RANBP2: variants seen among roughly 807,000 people sequenced by gnomAD.
The protein encoded by RANBP2 is E3 SUMO-protein ligase RanBP2.
RANBP2 carries 57 observed loss-of-function variants against 303.6 expected under a neutral mutation model. The observed-to-expected ratio is 0.19, with a 90% CI of 0.15 to 0.23. The LOEUF (loss-of-function observed/expected upper bound fraction) is 0.23, where lower values mean the gene tolerates loss of function less well. Among genes scored for constraint, RANBP2 ranks in the 10% least tolerant of loss-of-function variants. RANBP2 has a pLI of 1.00. For synonymous variants in RANBP2, 1,167 were observed against 1,301.5 expected (o/e 0.90, Z 2.23); for missense variants, 3,138 against 3,780.8 (o/e 0.83, Z 4.46).
chr2:109,298,680 G>A, the RANBP2 span, among the ~76,000 whole-genome samples: 8 of 151,990 alleles, frequency 5.3e-5, no homozygotes, highest in Non-Finnish European at 1.2e-4. Context: ...GCCTTCCCTG[G>A]CTCCTGTGGG....
At chr2:109,629,308 T>G in the RANBP2 span, among the ~76,000 whole-genome samples, 13 of 4,002 alleles carry the variant, frequency 3.2e-3, 1 homozygote, top group South Asian at 0.01. Flanking sequence ...TAAAGATATA[T>G]ATATATATAT....
the RANBP2 span, among the ~76,000 whole-genome samples, chr2:108,840,787 TC>T: frequency 1.4e-5 from 2 of 138,066 alleles, no homozygotes; most frequent in Non-Finnish European, 3.0e-5. Context: ...TTGTTTCATT[TC>T]TTTTTTTCTT....
At chr2:109,209,318 G>A in the RANBP2 span, among the ~76,000 whole-genome samples, 4 of 152,170 alleles carry the variant, frequency 2.6e-5, no homozygotes, top group African/African-American at 9.7e-5. Context: ...CCATGACTGA[G>A]TTTTCTTGGC....
chr2:108,747,376 A>G (rs984301666), intron 8 of RANBP2, among the ~76,000 whole-genome samples: 1 of 152,248 alleles, frequency 6.6e-6, no homozygotes, highest in Non-Finnish European at 1.5e-5. Flanking sequence ...AACTGAAGAA[A>G]CATAATGCTT....
chr2:108,909,565 C>T, the RANBP2 span, among the ~76,000 whole-genome samples: 3 of 152,114 alleles, frequency 2.0e-5, no homozygotes, highest in Non-Finnish European at 1.5e-5. Flanking sequence ...GGCACTGTTG[C>T]GGGGGTGTCC....
chr2:109,375,671 G>A, the RANBP2 span, among the ~76,000 whole-genome samples: 15 of 152,252 alleles, frequency 9.9e-5, no homozygotes, highest in Non-Finnish European at 2.1e-4. Flanking sequence ...GATGGCAGGC[G>A]AGGGACTCCG....
At chr2:109,129,287 C>T in the RANBP2 span, 3 of 673,296 alleles carry the variant, frequency 4.5e-6, no homozygotes, top group East Asian at 7.2e-5. Context: ...GTGTAGCCCG[C>T]AGCCGCAGGC....
chr2:108,831,804 C>A, the RANBP2 span, among the ~76,000 whole-genome samples: 1 of 151,900 alleles, frequency 6.6e-6, no homozygotes, highest in Non-Finnish European at 1.5e-5. Flanking sequence ...ATGATCTCGG[C>A]CCACTGCAAC....
the RANBP2 span, among the ~76,000 whole-genome samples, chr2:109,135,666 A>G: frequency 6.6e-6 from 1 of 151,958 alleles, no homozygotes; most frequent in Non-Finnish European, 1.5e-5. Flanking sequence ...GTGGATGTGC[A>G]TGGGGGGGTG....
the RANBP2 span, chr2:109,398,808 G>C: frequency 3.1e-6 from 5 of 1,613,694 alleles, no homozygotes; most frequent in Non-Finnish European, 4.2e-6. Flanking sequence ...TCAGTGTGAC[G>C]CACAGATCCT....
chr2:109,078,268 GTA>G, the RANBP2 span, among the ~76,000 whole-genome samples: 18,822 of 46,082 alleles, frequency 0.41, 4,141 homozygotes, highest in East Asian at 0.55. Flanking sequence ...TATATAGCGC[GTA>G]TATATATATA....
At position 108,763,473 on chromosome 2, in the gene RANBP2, A is replaced by G. The variant is rs1464311758; in HGVS notation, c.2934A>G (p.Pro978=). Residue 978 remains proline, a synonymous_variant, in exon 20 of 29, where the codon CCA becomes CCG. Coordinates refer to ENST00000283195, the MANE Select transcript of RANBP2 (RefSeq NM_006267.5). ...GCACAAATCCACCTTTGCCAGAACCAGGATATTTCACAAAACCTCCGATTG... is the reference window on the plus strand; with the variant it reads ...GCACAAATCCACCTTTGCCAGAACCGGGATATTTCACAAAACCTCCGATTG... ...QTSTNPPLPE[P]GYFTKPPIAA... 1 of 1,614,118 alleles carries G rather than the reference A, an allele frequency of 6.2e-7. No individual in the cohort carries two copies. The highest frequency in any genetic ancestry group is 1.1e-5 in the South Asian group (1 of 91,086).
chr2:109,036,293 CTCTA>C, the RANBP2 span, among the ~76,000 whole-genome samples: 2 of 152,164 alleles, frequency 1.3e-5, no homozygotes, highest in African/African-American at 4.8e-5. Context: ...ATTTTACACA[CTCTA>C]TCTCAGAAAG....
the RANBP2 span, among the ~76,000 whole-genome samples, chr2:109,508,511 G>T: frequency 0.18 from 26,792 of 152,122 alleles, 3,072 homozygotes; most frequent in Non-Finnish European, 0.25. Context: ...TTAGGAAAAT[G>T]AGATATAAAA....
chr2:108,996,485 T>C, the RANBP2 span, among the ~76,000 whole-genome samples: 1 of 152,222 alleles, frequency 6.6e-6, no homozygotes, highest in African/African-American at 2.4e-5. Context: ...ACCAGGACAC[T>C]GGCCTCATTA....
the RANBP2 span, among the ~76,000 whole-genome samples, chr2:109,437,791 A>G: frequency 1.3e-5 from 2 of 152,240 alleles, no homozygotes; most frequent in African/African-American, 2.4e-5. Context: ...CCTTAAAGGC[A>G]TAAAGAAGGT....
the RANBP2 span, among the ~76,000 whole-genome samples, chr2:109,241,891 G>T: frequency 3.3e-5 from 5 of 151,540 alleles, no homozygotes; most frequent in African/African-American, 1.2e-4. Flanking sequence ...TCAGCCTCCC[G>T]AGTAGCTGGG....
chr2:109,281,813 C>T, the RANBP2 span, among the ~76,000 whole-genome samples: 1 of 152,214 alleles, frequency 6.6e-6, no homozygotes, highest in South Asian at 2.1e-4. Flanking sequence ...CTGTCGGGGG[C>T]ACGCTGACCA....
chr2:108,891,762 C>T, the RANBP2 span, among the ~76,000 whole-genome samples: 3 of 152,012 alleles, frequency 2.0e-5, no homozygotes, highest in Non-Finnish European at 4.4e-5. Flanking sequence ...AGTAGCAGGA[C>T]GATTCTCTGG....
Sources: allele counts gnomAD v4.1 joint callset (sites outside exome capture counted in the v4.1 genomes callset), GRCh38; gene constraint gnomAD v4.1.1; transcripts MANE v1.5; gene names NCBI Gene and HGNC (gene_info 2026-07-23, HGNC 2026-07-21).